SCYL1: variants seen among roughly 807,000 people sequenced by gnomAD.
SCYL1 encodes the protein N-terminal kinase-like protein.
In SCYL1, 85 loss-of-function variants were observed where a neutral mutation model predicts 94.8. The observed-to-expected ratio is 0.90, with a 90% CI of 0.75 to 1.07. The LOEUF (loss-of-function observed/expected upper bound fraction) is 1.07, where lower values mean the gene tolerates loss of function less well. SCYL1 is among the 50% of genes least tolerant of loss of function. SCYL1 has a pLI of 0.00. For synonymous variants in SCYL1, 459 were observed against 435.5 expected, an observed-to-expected ratio of 1.05 and a Z score of -0.67; for missense variants, 968 against 1,083.3, an observed-to-expected ratio of 0.89 and a Z score of 1.49.
chr11:65,534,056 G>A (rs1474395393), intron 9 of SCYL1, among the ~76,000 whole-genome samples: 2 of 152,014 alleles, frequency 1.3e-5, no homozygotes, highest in East Asian at 1.9e-4. Flanking sequence ...GTGAAACCCC[G>A]TCTCTACTAA....
In SCYL1 at chr11:65,526,500, C is replaced by T; in HGVS notation, c.602+150C>T. On this transcript the variant is annotated intron_variant, in intron 4 of 17. Coordinates refer to ENST00000270176, the MANE Select transcript of SCYL1 (RefSeq NM_020680.4). This position sits in a 1 kb window ranked among gnomAD's most constrained non-coding sequence, Gnocchi z 4.1. ...CCAGGAGTGAGGGACACTCCTCTGC[C>T]CCCAGGGTCCTCAGGGCGGTAGGGC... The T allele has an allele frequency of 1.4e-6, 1 of 733,436 alleles. No individual in the cohort carries two copies. The highest frequency in any genetic ancestry group is 2.2e-6 in the Non-Finnish European group (1 of 448,256). The allele number at this position is 733,436 out of a possible 1,614,324, so 45.4% of individuals were successfully genotyped here. A position where few individuals can be genotyped will look rare whatever the true frequency, so the allele number is the denominator to read the frequency against.
At position 65,538,533 on chromosome 11, in the gene SCYL1, C is replaced by T. The variant is rs373594681; in HGVS notation, c.2394C>T (p.Gly798=). Residue 798 remains glycine (G), a synonymous_variant, in exon 18 of 18, where the codon GGC becomes GGT. Coordinates refer to ENST00000270176, the MANE Select transcript of SCYL1 (RefSeq NM_020680.4). ...AKRAERKVAK[G]PMKLGARKLD is the part of the protein sequence containing the mutation. Reference sequence around the variant, plus strand: ...GCGCCGAGAGGAAGGTGGCCAAGGGCCCCATGAAGCTGGGAGCCCGGAAGC... The same window carrying T: ...GCGCCGAGAGGAAGGTGGCCAAGGGTCCCATGAAGCTGGGAGCCCGGAAGC... The T allele has an allele frequency of 1.4e-5, 23 of 1,611,074 alleles. No homozygotes were observed. The highest frequency in any genetic ancestry group is 6.7e-5 in the Admixed American group (4 of 59,896).
intron 6 of SCYL1, 74 bp from the exon 7 acceptor site, chr11:65,530,555 T>C: frequency 2.0e-6 from 3 of 1,525,870 alleles, no homozygotes; most frequent in Non-Finnish European, 2.7e-6. Flanking sequence ...CACTTCTCCT[T>C]GTCCTCACCC....
At chr11:65,537,777 G>T (rs955184613) in intron 14 of SCYL1, 32 bp from the exon 15 acceptor site, 1 of 1,523,178 alleles carries the variant, frequency 6.6e-7, no homozygotes, top group Non-Finnish European at 8.8e-7. Flanking sequence ...TTAGCATGGG[G>T]TGGGAGTCAG....
At position 65,532,699 on chromosome 11, in the gene SCYL1, A is replaced by C; in HGVS notation, c.1124A>C (p.Gln375Pro). Reference protein sequence around the residue: ...MRIRLLQQMEQFIQYLDEPTV... With the variant: ...MRIRLLQQMEPFIQYLDEPTV... Reference sequence around the variant, plus strand: ...TCCCAACCTGGGCCACAGATGGAGCAGTTCATCCAGTACCTTGACGAGCCA... The same window carrying C: ...TCCCAACCTGGGCCACAGATGGAGCCGTTCATCCAGTACCTTGACGAGCCA... The change falls in exon 9 of 18, where the codon CAG (glutamine) becomes CCG (proline). Residue 375 changes from glutamine to proline, a missense_variant. Coordinates refer to ENST00000270176, the MANE Select transcript of SCYL1 (RefSeq NM_020680.4). The C allele has an allele frequency of 6.2e-7, 1 of 1,613,752 alleles. No homozygotes were observed. The highest frequency in any genetic ancestry group is 8.5e-7 in the Non-Finnish European group (1 of 1,179,674).
Position 65,530,638 on chromosome 11 carries a change from C to A in SCYL1, c.859C>A (p.Pro287Thr). The A allele has an allele frequency of 6.2e-7, 1 of 1,612,648 alleles. No individual in the cohort carries two copies. The highest frequency in any genetic ancestry group is 8.5e-7 in the Non-Finnish European group (1 of 1,179,254). ...GTCCTCACTCCCCCAGATCAAAGAG[C>A]CAGCCGAGAAGCAAAAATTCTTCCA... Reference protein sequence around the residue: ...LFLEEIQIKEPAEKQKFFQEL... With the variant: ...LFLEEIQIKETAEKQKFFQEL... Residue 287 changes from proline (P) to threonine (T), a missense_variant, in exon 7 of 18, where the codon CCA becomes ACA. Physicochemically the swap from Pro to Thr is conservative, Grantham distance 38 (BLOSUM62 -1). Coordinates refer to ENST00000270176, the MANE Select transcript of SCYL1 (RefSeq NM_020680.4).
Position 65,526,479 on chromosome 11 carries a change from G to C in SCYL1, c.602+129G>C, listed in dbSNP as rs1433966941. ...GCTGGGGAGGGAATCAGTGTCCCAG[G>C]AGTGAGGGACACTCCTCTGCCCCCA... On this transcript the variant is annotated intron_variant, in intron 4 of 17. Coordinates refer to ENST00000270176, the MANE Select transcript of SCYL1 (RefSeq NM_020680.4). This position sits in a 1 kb window ranked among gnomAD's most constrained non-coding sequence, Gnocchi z 4.1. The C allele has an allele frequency of 5.0e-6, 4 of 800,046 alleles. No individual in the cohort carries two copies. The highest frequency in any genetic ancestry group is 7.9e-6 in the Non-Finnish European group (4 of 507,046). The allele number at this position is 800,046 out of a possible 1,614,324, so 49.6% of individuals were successfully genotyped here. A position where few individuals can be genotyped will look rare whatever the true frequency, so the allele number is the denominator to read the frequency against.
In SCYL1 at chr11:65,530,702, T is replaced by C. The variant is rs377174877; in HGVS notation, c.923T>C (p.Phe308Ser). 2.0e-5 allele frequency: 33 copies of C among 1,613,990 alleles called. No homozygotes were observed. The highest frequency in any genetic ancestry group is 2.7e-5 in the Non-Finnish European group (32 of 1,180,022). Residue 308 changes from phenylalanine (F) to serine (S), a missense_variant, in exon 7 of 18, where the codon TTC (phenylalanine) becomes TCC (serine). Phe to Ser is a radical substitution (Grantham distance 155). This residue lies in a region of SCYL1 where 494 missense variants were observed against 619.7 expected (regional missense o/e 0.80). Coordinates refer to ENST00000270176, the MANE Select transcript of SCYL1 (RefSeq NM_020680.4). ...SKSLDAFPEDFCRHKVLPQLL... is the reference protein window; with the variant it reads ...SKSLDAFPEDSCRHKVLPQLL... ...AGCCTGGACGCATTCCCTGAGGATT[T>C]CTGTCGGCACAAGGTGCTGCCCCAG...
In SCYL1 at chr11:65,525,922, CAG is replaced by C; in HGVS notation, c.256_257del (p.Glu86LysfsTer96). The C allele has an allele frequency of 6.2e-7, 1 of 1,613,002 alleles. No individual in the cohort carries two copies. The highest frequency in any genetic ancestry group is 8.5e-7 in the Non-Finnish European group (1 of 1,179,600). ...ATAACCCTGTGTCCCCTTCCCCAGA[CAG>C]AAAAATGCCTCCACGTCGTGACAGA... On this transcript the variant is annotated frameshift_variant and splice_region_variant, in exon 3 of 18. Coordinates refer to ENST00000270176, the MANE Select transcript of SCYL1 (RefSeq NM_020680.4). LOFTEE classifies it high-confidence loss of function.
Position 65,525,240 on chromosome 11 carries a change from G to C in SCYL1, c.87G>C (p.Trp29Cys). ...EPPEGGLPGPWALHRGRKKAT... is the reference protein window; with the variant it reads ...EPPEGGLPGPCALHRGRKKAT... ...CAGAGGGCGGCCTGCCCGGGCCCTG[G>C]GCCCTGCACCGCGGCCGCAAGAAGG... The change falls in exon 1 of 18, where the codon TGG becomes TGC. Residue 29 changes from tryptophan (W) to cysteine (C), a missense_variant. Physicochemically the swap from Trp to Cys is radical, Grantham distance 215. Transcript: ENST00000270176. 1 of 1,447,586 alleles carries C rather than the reference G, an allele frequency of 6.9e-7. No homozygotes were observed. Among genetic ancestry groups the C allele is most frequent in the South Asian group, 1.4e-5 (1 of 73,578 alleles). The allele number at this position is 1,447,586 out of a possible 1,614,324, so 89.7% of individuals were successfully genotyped here.
chr11:65,531,762 C>T (rs1056325048), intron 8 of SCYL1, 79 bp downstream of exon 8: 26 of 1,028,868 alleles, frequency 2.5e-5, no homozygotes, highest in South Asian at 2.1e-4. Context: ...GCCCTGGCTG[C>T]ACAGGGACCC....
At chr11:65,537,783 G>A (rs1468979772) in intron 14 of SCYL1, 26 bp from the exon 15 acceptor site, 3 of 1,531,760 alleles carry the variant, frequency 2.0e-6, no homozygotes, top group Non-Finnish European at 2.6e-6. Flanking sequence ...TGGGGTGGGA[G>A]TCAGTGGTCC....
intron 8 of SCYL1, among the ~76,000 whole-genome samples, chr11:65,532,085 TG>T (rs766613755): frequency 2.0e-5 from 3 of 152,014 alleles, no homozygotes; most frequent in Non-Finnish European, 2.9e-5. Context: ...CGTGGCACTG[TG>T]GGCAGGTGGG....
chr11:65,526,005 A>C lies in SCYL1; in HGVS notation c.337A>C (p.Lys113Gln). The change falls in exon 3 of 18, where the codon AAG (lysine) becomes CAG (glutamine). Residue 113 changes from lysine (K) to glutamine (Q), a missense_variant. Physicochemically the swap from Lys to Gln is moderately conservative, Grantham distance 53 (BLOSUM62 1). Coordinates refer to ENST00000270176, the MANE Select transcript of SCYL1 (RefSeq NM_020680.4). The surrounding 1 kb of genome is among the most constrained non-coding windows in gnomAD (Gnocchi z 4.1). ...LKARVEAGGLKELEISWGLHQ... is the reference protein window; with the variant it reads ...LKARVEAGGLQELEISWGLHQ... ...GGCGAGAGTGGAGGCTGGTGGCCTG[A>C]AGGAGCTGGAGATCTCCTGGGGGCT... is the stretch of plus-strand genomic sequence containing the variant. 1 of 1,613,224 alleles carries C rather than the reference A, an allele frequency of 6.2e-7. No individual in the cohort carries two copies.
At chr11:65,535,700 G>A (rs1855601958) in intron 10 of SCYL1, 2 of 577,372 alleles carry the variant, frequency 3.5e-6, no homozygotes, top group Non-Finnish European at 6.0e-6. Flanking sequence ...AGGGAGGAAG[G>A]GAGCCTGTGT....
rs1451634124 is a variant in SCYL1, at chr11:65,531,661, T to C, written c.1094T>C (p.Met365Thr). Residue 365 changes from methionine (M) to threonine (T), a missense_variant, in exon 8 of 18, where the codon ATG becomes ACG. Met to Thr is a moderately conservative substitution (Grantham distance 81). Transcript: ENST00000270176. ...VKMFSSTDRA[M>T]RIRLLQQMEQ... is the part of the protein sequence containing the mutation. ...ATGTTCTCATCCACTGACCGGGCCA[T>C]GCGCATCCGCCTCCTGCAGCAGGTG... 3 of 1,613,692 alleles carry C rather than the reference T, an allele frequency of 1.9e-6. No individual in the cohort carries two copies. Among genetic ancestry groups the C allele is most frequent in the Admixed American group, 1.7e-5 (1 of 60,008 alleles).
Position 65,537,853 on chromosome 11 carries a change from C to G in SCYL1, c.2004C>G (p.Thr668=), listed in dbSNP as rs771612585. ...SVLAQQDDWS[T]GGQVSRASQV... is the part of the protein sequence containing the mutation. Reference sequence around the variant, plus strand: ...TGGCCCAGCAGGACGACTGGAGCACCGGGGGCCAAGTGAGCCGTGCTAGTC... The same window carrying G: ...TGGCCCAGCAGGACGACTGGAGCACGGGGGGCCAAGTGAGCCGTGCTAGTC... Residue 668 remains threonine (T), a synonymous_variant, in exon 15 of 18, where the codon ACC becomes ACG. Transcript: ENST00000270176. 2 of 1,575,382 alleles carry G rather than the reference C, an allele frequency of 1.3e-6. No homozygotes were observed.
rs1292235825 is a variant in SCYL1 at position 65,536,328 on chromosome 11, G to A, written c.1645G>A (p.Glu549Lys). 6.2e-7 allele frequency: 1 copy of A among 1,614,090 alleles called. No individual in the cohort carries two copies. The highest frequency in any genetic ancestry group is 8.5e-7 in the Non-Finnish European group (1 of 1,179,936). The change falls in exon 12 of 18, where the codon GAA becomes AAA. Residue 549 changes from glutamate to lysine, a missense_variant. Transcript: ENST00000270176. Reference sequence around the variant, plus strand: ...GTCGGAGGACCCGACCCAGCTGGAGGAAGTGGGTGAGTGGCTTACACTCGT... The same window carrying A: ...GTCGGAGGACCCGACCCAGCTGGAGAAAGTGGGTGAGTGGCTTACACTCGT... ...SVSEDPTQLE[E>K]VEKDVHAASS... is the part of the protein sequence containing the mutation.
chr11:65,526,446 G>A lies in SCYL1; in HGVS notation c.602+96G>A. On this transcript the variant is annotated intron_variant, in intron 4 of 17. Coordinates refer to ENST00000270176, the MANE Select transcript of SCYL1 (RefSeq NM_020680.4). The surrounding 1 kb of genome is among the most constrained non-coding windows in gnomAD (Gnocchi z 4.1). Reference sequence around the variant, plus strand: ...ACTAGTTGGCACTCCCCTGTTCCCTGCTGCCTGGCTGGGGAGGGAATCAGT... The same window carrying A: ...ACTAGTTGGCACTCCCCTGTTCCCTACTGCCTGGCTGGGGAGGGAATCAGT... The A allele has an allele frequency of 1.0e-6, 1 of 997,484 alleles. No homozygotes were observed. The highest frequency in any genetic ancestry group is 1.5e-6 in the Non-Finnish European group (1 of 682,316). 61.8% of individuals were successfully genotyped at this position (997,484 alleles called of 1,614,324 possible). A position where few individuals can be genotyped will look rare whatever the true frequency, so the allele number is the denominator to read the frequency against.
Sources: allele counts gnomAD v4.1 joint callset (sites outside exome capture counted in the v4.1 genomes callset), GRCh38; gene constraint gnomAD v4.1.1; regional missense constraint gnomAD v4.1.1; non-coding constraint Gnocchi (gnomAD v3.1); transcripts MANE v1.5; gene names NCBI Gene and HGNC (gene_info 2026-07-23, HGNC 2026-07-21).